Variants in ZNF763 observed in about 807,000 individuals in gnomAD.
The protein encoded by ZNF763 is DNA-binding protein.
In ZNF763, 33 loss-of-function variants were observed where a neutral mutation model predicts 38.0. The observed-to-expected ratio is 0.87, with a 90% CI of 0.66 to 1.16. The LOEUF (loss-of-function observed/expected upper bound fraction) is 1.16, where lower values mean the gene tolerates loss of function less well. Among genes scored for constraint, ZNF763 ranks in the 50% most tolerant of loss-of-function variants. ZNF763 has a pLI of 0.00. For missense variants in ZNF763, 423 were observed against 469.1 expected (o/e 0.90, Z 0.91); for synonymous variants, 155 against 160.1 (o/e 0.97, Z 0.24).
At chr19:11,978,036 T>A in intron 3 of ZNF763, 80 bp from the exon 4 acceptor site, 1 of 1,529,978 alleles carries the variant, frequency 6.5e-7, no homozygotes, top group Non-Finnish European at 8.8e-7. Flanking sequence ...TGATGGACCA[T>A]GTTAAAAATG....
chr19:11,966,491 A>C (rs1369375262), intron 1 of ZNF763, among the ~76,000 whole-genome samples: 1 of 152,162 alleles, frequency 6.6e-6, no homozygotes, highest in Non-Finnish European at 1.5e-5. Flanking sequence ...CTCCTGCCTC[A>C]GCTTCCTGAG....
intron 1 of ZNF763, among the ~76,000 whole-genome samples, chr19:11,966,045 C>G (rs1973222087): frequency 6.6e-6 from 1 of 152,088 alleles, no homozygotes; most frequent in Admixed American, 6.6e-5. Context: ...TGTTATCTGC[C>G]ACTTGATTCC....
rs766573384 is a variant in ZNF763, at chr19:11,979,059, T to TG, written c.1135_1136insG (p.Tyr379Ter). Reference sequence around the variant, plus strand: ...TAAGCAGTGTGGGAAAGCATTATCTTATAAGTTTTCAAACACACCTAAGAA... The same window carrying TG: ...TAAGCAGTGTGGGAAAGCATTATCTTGATAAGTTTTCAAACACACCTAAGAA... ...ECKQCGKALS[Y>*]KFSNTPKNAL... Residue 379 changes from tyrosine to a stop codon, truncating the protein, a stop_gained and frameshift_variant, in exon 4 of 4, where the codon TAT (tyrosine) becomes TGAT (stop). Coordinates refer to ENST00000358987, the MANE Select transcript of ZNF763 (RefSeq NM_001367172.2). LOFTEE classifies it high-confidence loss of function. 8.7e-6 allele frequency: 14 copies of TG among 1,614,056 alleles called. No individual in the cohort carries two copies. In the African/African-American group the frequency reaches 1.6e-4, roughly 18 times the overall value.
At chr19:11,972,826 T>G (rs55950987) in intron 1 of ZNF763, among the ~76,000 whole-genome samples, 2,959 of 152,076 alleles carry the variant, frequency 0.019, 73 homozygotes, top group African/African-American at 0.059. Context: ...ATGCTGTGCC[T>G]CATACCTGTA....
At position 11,965,085 on chromosome 19, in the gene ZNF763, G is replaced by A; in HGVS notation, c.-124G>A. 7.7e-7 allele frequency: 1 copy of A among 1,297,532 alleles called. No individual in the cohort carries two copies. Among genetic ancestry groups the A allele is most frequent in the South Asian group, 1.2e-5 (1 of 82,898 alleles). The allele number at this position is 1,297,532 out of a possible 1,614,324, so 80.4% of individuals were successfully genotyped here. A position where few individuals can be genotyped will look rare whatever the true frequency, so the allele number is the denominator to read the frequency against. The stretch of plus-strand genomic sequence containing the variant: ...GCGCAGCCGGTGGTTGATATCCGCT[G>A]TATCCATCCCCGAGAGGGACCTGGT... On this transcript the variant is annotated 5_prime_UTR_variant, in exon 1 of 4. Transcript: ENST00000358987.
Position 11,980,518 on chromosome 19 carries a change from T to C in ZNF763, c.*1409T>C, listed in dbSNP as rs1437323371. The C allele has an allele frequency of 6.6e-6, 1 of 152,494 alleles. No homozygotes were observed. The highest frequency in any genetic ancestry group is 2.4e-5 in the African/African-American group (1 of 41,440). The allele number at this position is 152,494 out of a possible 1,614,324, so 9.4% of individuals were successfully genotyped here. A position where few individuals can be genotyped will look rare whatever the true frequency, so the allele number is the denominator to read the frequency against. On this transcript the variant is annotated 3_prime_UTR_variant, in exon 4 of 4. Coordinates refer to ENST00000358987, the MANE Select transcript of ZNF763 (RefSeq NM_001367172.2). Reference sequence around the variant, plus strand: ...GGGTGCTGTTTACCAGAAAGTACGTTGGGTAAAACATAGAAATTCATTTAT... The same window carrying C: ...GGGTGCTGTTTACCAGAAAGTACGTCGGGTAAAACATAGAAATTCATTTAT...
At chr19:11,966,768 T>C (rs552507206) in intron 1 of ZNF763, among the ~76,000 whole-genome samples, 57 of 152,282 alleles carry the variant, frequency 3.7e-4, no homozygotes, top group African/African-American at 1.3e-3. Context: ...GTTGCAGAGA[T>C]GCAGTTGCCT....
intron 1 of ZNF763, among the ~76,000 whole-genome samples, chr19:11,973,841 G>C (rs1279956113): frequency 1.3e-5 from 2 of 151,994 alleles, no homozygotes; most frequent in African/African-American, 4.8e-5. Context: ...GTTCATTTAG[G>C]TTAATATGTA....
chr19:11,979,902 G>A lies in ZNF763; in HGVS notation c.*793G>A. 13 of 1,401,958 alleles carry A rather than the reference G, an allele frequency of 9.3e-6. No homozygotes were observed. The highest frequency in any genetic ancestry group is 1.2e-5 in the Non-Finnish European group (12 of 994,950). The allele number at this position is 1,401,958 out of a possible 1,614,324, so 86.8% of individuals were successfully genotyped here. ...CACTCTGTAGAAAGACCTTATAAAT[G>A]TAAGATATGTGGGAAAGGCTTTTAT... is the stretch of plus-strand genomic sequence containing the variant. On this transcript the variant is annotated 3_prime_UTR_variant, in exon 4 of 4. Transcript: ENST00000358987.
At chr19:11,971,170 G>T (rs527404473) in intron 1 of ZNF763, among the ~76,000 whole-genome samples, 2 of 152,040 alleles carry the variant, frequency 1.3e-5, no homozygotes, top group African/African-American at 4.8e-5. Flanking sequence ...AGTTCTTGAG[G>T]TTGTGAAGTC....
In ZNF763 at chr19:11,980,507, A is replaced by G. The variant is rs1402279525; in HGVS notation, c.*1398A>G. 1 of 152,504 alleles carries G rather than the reference A, an allele frequency of 6.6e-6. No individual in the cohort carries two copies. Among genetic ancestry groups the G allele is most frequent in the African/African-American group, 2.4e-5 (1 of 41,432 alleles). The allele number at this position is 152,504 out of a possible 1,614,324, so 9.4% of individuals were successfully genotyped here. A position where few individuals can be genotyped will look rare whatever the true frequency, so the allele number is the denominator to read the frequency against. On this transcript the variant is annotated 3_prime_UTR_variant, in exon 4 of 4. Coordinates refer to ENST00000358987, the MANE Select transcript of ZNF763 (RefSeq NM_001367172.2). ...ATAAAATGTATGGGTGCTGTTTACC[A>G]GAAAGTACGTTGGGTAAAACATAGA...
chr19:11,974,125 CTT>C (rs375666401), intron 1 of ZNF763, among the ~76,000 whole-genome samples: 4 of 60,918 alleles, frequency 6.6e-5, no homozygotes, highest in Admixed American at 1.7e-4. Context: ...TTCTTTCTTT[CTT>C]TTCTTTCTTT....
chr19:11,979,550 A>G lies in ZNF763; in HGVS notation c.*441A>G. On this transcript the variant is annotated 3_prime_UTR_variant, in exon 4 of 4. Coordinates refer to ENST00000358987, the MANE Select transcript of ZNF763 (RefSeq NM_001367172.2). ...CACTGCAGAGAAACCCTATGAATGCAAGCAATGTGGTAAAGCCTTCAGTAG... is the reference window on the plus strand; with the variant it reads ...CACTGCAGAGAAACCCTATGAATGCGAGCAATGTGGTAAAGCCTTCAGTAG... 22 of 1,603,844 alleles carry G rather than the reference A, an allele frequency of 1.4e-5. No individual in the cohort carries two copies. The highest frequency in any genetic ancestry group is 1.9e-5 in the Non-Finnish European group (22 of 1,172,912).
chr19:11,971,392 T>C (rs920747754), intron 1 of ZNF763, among the ~76,000 whole-genome samples: 1 of 152,188 alleles, frequency 6.6e-6, no homozygotes, highest in African/African-American at 2.4e-5. Context: ...CTTCTAATAC[T>C]ATAGTGGGGG....
intron 1 of ZNF763, among the ~76,000 whole-genome samples, chr19:11,974,574 G>C (rs1437764407): frequency 1.3e-5 from 2 of 149,770 alleles, no homozygotes; most frequent in Admixed American, 6.7e-5. Flanking sequence ...CATTCTTTAG[G>C]GGGAGGTATA....
intron 1 of ZNF763, among the ~76,000 whole-genome samples, chr19:11,971,610 A>C (rs748782221): frequency 1.2e-4 from 18 of 152,228 alleles, no homozygotes; most frequent in Non-Finnish European, 4.4e-5. Context: ...CGTATTTCAA[A>C]GAGGTTACAT....
chr19:11,967,648 C>G (rs1041298563), intron 1 of ZNF763, among the ~76,000 whole-genome samples: 1 of 152,222 alleles, frequency 6.6e-6, no homozygotes, highest in African/African-American at 2.4e-5. Flanking sequence ...CGTGATCCAC[C>G]CACCTCGGCC....
chr19:11,976,642 G>A (rs551374375), intron 1 of ZNF763, among the ~76,000 whole-genome samples: 36 of 151,760 alleles, frequency 2.4e-4, no homozygotes, highest in South Asian at 2.1e-4. Context: ...CGAGGCTGGC[G>A]GATCACCTGA....
chr19:11,974,094 TTTC>T (rs1973413399), intron 1 of ZNF763, among the ~76,000 whole-genome samples: 8 of 90,844 alleles, frequency 8.8e-5, no homozygotes, highest in African/African-American at 3.5e-4. Context: ...TCTTTCTTTC[TTTC>T]TTTCTTTCTT....
Sources: gnomAD v4.1 joint callset for allele counts (sites outside exome capture counted in the v4.1 genomes callset) on GRCh38, gnomAD v4.1.1 for gene constraint, MANE v1.5 for transcripts, NCBI Gene and HGNC (gene_info 2026-07-23, HGNC 2026-07-21) for gene names.